FNDC3B: variants seen among roughly 807,000 people sequenced by gnomAD.
FNDC3B encodes fibronectin type III domain containing 3B.
FNDC3B carries 12 observed loss-of-function variants against 151.5 expected under a neutral mutation model. The observed-to-expected ratio is 0.08, with a 90% CI of 0.05 to 0.13. FNDC3B has a LOEUF of 0.13. Ranked by LOEUF, FNDC3B falls within the 10% of genes least tolerant of loss-of-function variation. The pLI, the probability that FNDC3B is intolerant of heterozygous loss-of-function variation, is 1.00. For missense variants in FNDC3B, 1,214 were observed against 1,505.3 expected, an observed-to-expected ratio of 0.81 and a Z score of 3.20; for synonymous variants, 528 against 549.0, an observed-to-expected ratio of 0.96 and a Z score of 0.54.
At chr3:172,091,770 G>A (rs1003240824) in intron 1 of FNDC3B, among the ~76,000 whole-genome samples, 1 of 151,992 alleles carries the variant, frequency 6.6e-6, no homozygotes, top group East Asian at 1.9e-4. Context: ...ATTTTCATGT[G>A]GAATTTGTAT....
chr3:172,257,186 C>T (rs767432368), intron 6 of FNDC3B, among the ~76,000 whole-genome samples: 12 of 152,196 alleles, frequency 7.9e-5, no homozygotes, highest in Non-Finnish European at 1.6e-4. Context: ...GCTGGGATTA[C>T]AGGTGTGAGC....
chr3:172,196,776 T>C (rs1724855004), intron 3 of FNDC3B, among the ~76,000 whole-genome samples: 2 of 152,180 alleles, frequency 1.3e-5, no homozygotes, highest in African/African-American at 4.8e-5. Context: ...CACGTTTCGC[T>C]TTTTCTTGTC....
At chr3:172,104,038 C>G (rs1006337839) in intron 1 of FNDC3B, among the ~76,000 whole-genome samples, 3 of 152,210 alleles carry the variant, frequency 2.0e-5, no homozygotes, top group Non-Finnish European at 4.4e-5. Flanking sequence ...CATAAAAACA[C>G]AGTGATTATC....
At chr3:172,316,500 A>T in intron 11 of FNDC3B, 2 of 439,842 alleles carry the variant, frequency 4.5e-6, no homozygotes, top group African/African-American at 2.0e-5. Context: ...ACAGATCGTG[A>T]TCTGGCCTTA....
intron 3 of FNDC3B, among the ~76,000 whole-genome samples, chr3:172,190,290 T>C (rs1724435512): frequency 6.6e-6 from 1 of 152,218 alleles, no homozygotes; most frequent in Non-Finnish European, 1.5e-5. Flanking sequence ...GGAATTCAGA[T>C]AGCAGCGTGT....
intron 3 of FNDC3B, among the ~76,000 whole-genome samples, chr3:172,145,478 CTGTT>C (rs1490403034): frequency 2.0e-5 from 3 of 152,194 alleles, no homozygotes; most frequent in Non-Finnish European, 4.4e-5. Context: ...AAATGTCAAA[CTGTT>C]TGTTCTTGAA....
intron 3 of FNDC3B, among the ~76,000 whole-genome samples, chr3:172,219,455 C>T (rs1325341402): frequency 6.6e-6 from 1 of 152,120 alleles, no homozygotes; most frequent in Non-Finnish European, 1.5e-5. Context: ...CATAATTTTT[C>T]AATTCTTTTT....
intron 1 of FNDC3B, among the ~76,000 whole-genome samples, chr3:172,072,109 A>G (rs1717809811): frequency 6.7e-6 from 1 of 149,736 alleles, no homozygotes; most frequent in Non-Finnish European, 1.5e-5. Context: ...GTGCTGTCCA[A>G]TAGAATTGTT....
At chr3:172,344,447 A>G (rs201872182) in intron 19 of FNDC3B, among the ~76,000 whole-genome samples, 189 bp downstream of exon 19, 2 of 152,224 alleles carry the variant, frequency 1.3e-5, no homozygotes, top group East Asian at 3.8e-4. Flanking sequence ...ACCCAGCATT[A>G]GAAGTTTTCT....
chr3:172,186,207 A>G (rs935540817), intron 3 of FNDC3B, among the ~76,000 whole-genome samples: 1 of 152,190 alleles, frequency 6.6e-6, no homozygotes, highest in Non-Finnish European at 1.5e-5. Context: ...TGCTCTGCCT[A>G]CTATAGTTTC....
chr3:172,171,497 G>A (rs1723279960), intron 3 of FNDC3B, among the ~76,000 whole-genome samples: 1 of 151,942 alleles, frequency 6.6e-6, no homozygotes, highest in South Asian at 2.1e-4. Context: ...TTGCACACTG[G>A]CATGAACAGG....
chr3:172,150,719 T>C (rs920945057), intron 3 of FNDC3B, among the ~76,000 whole-genome samples: 1 of 152,162 alleles, frequency 6.6e-6, no homozygotes, highest in Non-Finnish European at 1.5e-5. Flanking sequence ...AATATGCTTA[T>C]AATTTTTTAT....
chr3:172,084,034 T>C lies in FNDC3B; in HGVS notation c.-28-28418T>C, dbSNP rs537839562. ...AAAAAGTAAAAGCCTCTCCTAGAGT[T>C]CATGGAGGTTGCCACAGTTCTGTGG... is the stretch of plus-strand genomic sequence containing the variant. On this transcript the variant is annotated intron_variant, in intron 1 of 25. Transcript: ENST00000415807. 5.9e-5 allele frequency among the ~76,000 whole-genome samples: 9 copies of C among 152,266 alleles called. No homozygotes were observed. The South Asian group carries it at 1.7e-3, about 28-fold the overall frequency.
At chr3:172,275,272 T>C (rs1325760295) in intron 6 of FNDC3B, among the ~76,000 whole-genome samples, 3 of 152,106 alleles carry the variant, frequency 2.0e-5, no homozygotes, top group Admixed American at 2.0e-4. Context: ...TTAAACTGCA[T>C]CTTTAAATAG....
intron 25 of FNDC3B, among the ~76,000 whole-genome samples, chr3:172,383,878 A>G (rs1735574320): frequency 6.6e-6 from 1 of 152,226 alleles, no homozygotes; most frequent in Non-Finnish European, 1.5e-5. Context: ...AAATCAGGAT[A>G]TAATATTATG....
At position 172,105,201 on chromosome 3, in the gene FNDC3B, G is replaced by A. The variant is rs375468544; in HGVS notation, c.-28-7251G>A. Among the ~76,000 whole-genome samples, 8 of 152,152 alleles carry A rather than the reference G, an allele frequency of 5.3e-5. No homozygotes were observed. The South Asian group carries it at 1.7e-3, about 32-fold the overall frequency. On this transcript the variant is annotated intron_variant, in intron 1 of 25. Transcript: ENST00000415807. The stretch of plus-strand genomic sequence containing the variant: ...GCATTTATACATAAAGGCCACCCGG[G>A]GTGTATGGGGGGAGGTTCATGAATG...
intron 9 of FNDC3B, chr3:172,303,118 T>G (rs551496265): frequency 3.4e-4 from 52 of 152,324 alleles, no homozygotes; most frequent in African/African-American, 1.2e-3. Context: ...ATGCTGTGTA[T>G]GCATCTGCCA....
intron 24 of FNDC3B, 88 bp from the exon 25 acceptor site, chr3:172,380,878 C>G: frequency 6.9e-7 from 1 of 1,453,432 alleles, no homozygotes. Context: ...ATCTTGCTCT[C>G]TCTGGGTTCT....
rs529909822 is a variant in FNDC3B at position 172,335,090 on chromosome 3, T to TTGC, written c.1780+19_1780+21dup. 2.4e-4 allele frequency: 376 copies of TTGC among 1,561,508 alleles called. No homozygotes were observed. The African/African-American group carries it at 4.4e-3, about 18-fold the overall frequency. ...GCTTTAGTGTCAAATGGGGTATGTT[T>TTGC]TGCTGCTGCTGCTACTGTTTTTTTT... is the stretch of plus-strand genomic sequence containing the variant. On this transcript the variant is annotated intron_variant, in intron 15 of 25. Transcript: ENST00000415807.
Sources: gnomAD v4.1 joint callset for allele counts (sites outside exome capture counted in the v4.1 genomes callset) on GRCh38, gnomAD v4.1.1 for gene constraint, MANE v1.5 for transcripts, NCBI Gene and HGNC (gene_info 2026-07-23, HGNC 2026-07-21) for gene names.